ABLIM2: variants seen among roughly 807,000 people sequenced by gnomAD.
ABLIM2 encodes the protein actin binding LIM protein family member 2, also known as actin-binding LIM protein 2.
ABLIM2 carries 53 observed loss-of-function variants against 97.7 expected under a neutral mutation model. The ratio of observed to expected loss-of-function variants is 0.54; its 90% confidence interval spans 0.44 to 0.68. The LOEUF is 0.68. Ranked by LOEUF, ABLIM2 falls within the 30% of genes least tolerant of loss-of-function variation. The probability of loss-of-function intolerance (pLI) is 0.00; values close to 1 mark genes in which losing one functional copy is unlikely to be tolerated. For missense variants in ABLIM2, 835 were observed against 867.2 expected, an observed-to-expected ratio of 0.96 and a Z score of 0.47; for synonymous variants, 361 against 345.8, an observed-to-expected ratio of 1.04 and a Z score of -0.49.
Position 8,148,431 on chromosome 4 carries a change from C to T in ABLIM2, c.10+10249G>A, listed in dbSNP as rs140250240. Among the ~76,000 whole-genome samples the T allele has an allele frequency of 3.3e-5, 5 of 152,232 alleles. No individual in the cohort carries two copies. In the East Asian group the frequency reaches 9.7e-4, roughly 29 times the overall value. On this transcript the variant is annotated intron_variant, in intron 1 of 20. Transcript: ENST00000447017. The surrounding 1 kb of genome is among the most constrained non-coding windows in gnomAD (Gnocchi z 6.7). ...CGCTCAGGACGCGGGGGGGCCATGG[C>T]GCACCACAGTTAGGAGTGCGGGTTC...
chr4:8,056,386 C>G (rs1799185554), intron 7 of ABLIM2, among the ~76,000 whole-genome samples: 1 of 151,002 alleles, frequency 6.6e-6, no homozygotes, highest in African/African-American at 2.4e-5. Flanking sequence ...CTGCAGCCCC[C>G]ACCTCTTGGT....
rs1025484436 is a variant in ABLIM2 at position 8,069,180 on chromosome 4, C to T, written c.676-8126G>A. 2.0e-5 allele frequency among the ~76,000 whole-genome samples: 3 copies of T among 152,274 alleles called. No homozygotes were observed. The highest frequency in any genetic ancestry group is 1.9e-4 in the East Asian group (1 of 5,202). On this transcript the variant is annotated intron_variant, in intron 6 of 20. Transcript: ENST00000447017. The surrounding 1 kb of genome is among the most constrained non-coding windows in gnomAD (Gnocchi z 4.2). ...AGGCGTGAGCCTCAGGAGCGCTTGG[C>T]CCAGCGGCCTCATTCTCTGCTGTAC...
chr4:8,090,422 C>T (rs1010955578), intron 3 of ABLIM2, among the ~76,000 whole-genome samples: 1 of 152,244 alleles, frequency 6.6e-6, no homozygotes, highest in Admixed American at 6.5e-5. Flanking sequence ...GACATCCTGC[C>T]TAGGAAGCTC....
intron 1 of ABLIM2, among the ~76,000 whole-genome samples, chr4:8,146,574 G>A (rs910195299): frequency 6.6e-6 from 1 of 152,046 alleles, no homozygotes; most frequent in African/African-American, 2.4e-5. Flanking sequence ...GGGTCTCACC[G>A]TGCCACCCAG....
chr4:7,966,879 C>CCA lies in ABLIM2; in HGVS notation c.*110_*111insTG. The CCA allele has an allele frequency of 2.8e-6, 1 of 361,394 alleles. No homozygotes were observed. Among genetic ancestry groups the CCA allele is most frequent in the Non-Finnish European group, 5.3e-6 (1 of 187,626 alleles). The allele number at this position is 361,394 out of a possible 1,614,324, so 22.4% of individuals were successfully genotyped here. A position where few individuals can be genotyped will look rare whatever the true frequency, so the allele number is the denominator to read the frequency against. On this transcript the variant is annotated 3_prime_UTR_variant, in exon 21 of 21. Coordinates refer to ENST00000447017, the MANE Select transcript of ABLIM2 (RefSeq NM_001130083.2). ...CTGGGGGACCCCCTCCCGCCCACCCCATGGACACAGAGAAGCCAGAGCAAG... is the reference window on the plus strand; with the variant it reads ...CTGGGGGACCCCCTCCCGCCCACCCCCAATGGACACAGAGAAGCCAGAGCAAG...
At chr4:8,109,490 G>A (rs946954639) in intron 1 of ABLIM2, among the ~76,000 whole-genome samples, 1 of 152,240 alleles carries the variant, frequency 6.6e-6, no homozygotes, top group Non-Finnish European at 1.5e-5. Context: ...CTCAGACAGA[G>A]GAGGCCATTT....
At chr4:8,053,456 G>A (rs1298479818) in intron 8 of ABLIM2, among the ~76,000 whole-genome samples, 1 of 152,162 alleles carries the variant, frequency 6.6e-6, no homozygotes, top group Non-Finnish European at 1.5e-5. Context: ...CTTAATCTTG[G>A]CAAAATAAAC....
At chr4:7,972,436 G>T (rs1577562541) in intron 20 of ABLIM2, among the ~76,000 whole-genome samples, 1 of 152,346 alleles carries the variant, frequency 6.6e-6, no homozygotes, top group South Asian at 2.1e-4. Flanking sequence ...AGGCCCTGGG[G>T]CTATGCTGTG....
rs1755915771 is a variant in ABLIM2, at chr4:7,999,928, C to T, written c.1619-7001G>A. Among the ~76,000 whole-genome samples, 1 of 152,202 alleles carries T rather than the reference C, an allele frequency of 6.6e-6. No individual in the cohort carries two copies. Among genetic ancestry groups the T allele is most frequent in the African/African-American group, 2.4e-5 (1 of 41,450 alleles). The stretch of plus-strand genomic sequence containing the variant: ...TCTGTCCTCTTCCAGGCTGGCTCAT[C>T]AGAGGTCAAAGTCACCGCTGGACAT... On this transcript the variant is annotated intron_variant, in intron 16 of 20. Coordinates refer to ENST00000447017, the MANE Select transcript of ABLIM2 (RefSeq NM_001130083.2). The surrounding 1 kb of genome is among the most constrained non-coding windows in gnomAD (Gnocchi z 4.4).
rs184013061 is a variant in ABLIM2 at position 8,123,683 on chromosome 4, G to T, written c.11-17046C>A. Among the ~76,000 whole-genome samples, 1,066 of 152,312 alleles carry T rather than the reference G, an allele frequency of 7.0e-3. 8 individuals carry two copies. The highest frequency in any genetic ancestry group is 0.014 in the Middle Eastern group (4 of 294). On this transcript the variant is annotated intron_variant, in intron 1 of 20. Coordinates refer to ENST00000447017, the MANE Select transcript of ABLIM2 (RefSeq NM_001130083.2). The surrounding 1 kb of genome is among the most constrained non-coding windows in gnomAD (Gnocchi z 6.2). ...CCTGCCTTAAAGCGGGTCTCCTGGG[G>T]GCGTCATCCTTGTACTGACAGGGTC...
At chr4:7,995,365 G>A (rs367878778) in intron 16 of ABLIM2, among the ~76,000 whole-genome samples, 9 of 152,180 alleles carry the variant, frequency 5.9e-5, no homozygotes, top group East Asian at 3.9e-4. Flanking sequence ...AGCTGCCCAC[G>A]AGGCCTCCGA....
chr4:8,110,541 G>C (rs1360908882), intron 1 of ABLIM2, among the ~76,000 whole-genome samples: 1 of 151,632 alleles, frequency 6.6e-6, no homozygotes. Flanking sequence ...TGTTCCCATA[G>C]CAACCAACCC....
chr4:8,016,641 A>G (rs1769464291), intron 14 of ABLIM2, among the ~76,000 whole-genome samples: 1 of 152,160 alleles, frequency 6.6e-6, no homozygotes, highest in South Asian at 2.1e-4. Context: ...AGAGCCAGGA[A>G]AGCATGAGGC....
At chr4:8,104,106 C>T (rs567421483) in intron 2 of ABLIM2, among the ~76,000 whole-genome samples, 1 of 152,314 alleles carries the variant, frequency 6.6e-6, no homozygotes, top group South Asian at 2.1e-4. Context: ...CAGGCAATCG[C>T]TCCCTGGCGC....
Position 8,037,131 on chromosome 4 carries a change from T to C in ABLIM2, c.901-836A>G, listed in dbSNP as rs1784966599. On this transcript the variant is annotated intron_variant, in intron 9 of 20. Coordinates refer to ENST00000447017, the MANE Select transcript of ABLIM2 (RefSeq NM_001130083.2). Reference sequence around the variant, plus strand: ...TAAATAAAATAGTGTATTATTTTTATATTATTTTATTTGTATTATTTTTTA... The same window carrying C: ...TAAATAAAATAGTGTATTATTTTTACATTATTTTATTTGTATTATTTTTTA... 2.0e-5 allele frequency among the ~76,000 whole-genome samples: 3 copies of C among 152,208 alleles called. 1 individual carries two copies. Among genetic ancestry groups the C allele is most frequent in the Admixed American group, 1.3e-4 (2 of 15,278 alleles).
At chr4:8,017,987 G>A (rs1268441473) in intron 14 of ABLIM2, among the ~76,000 whole-genome samples, 5 of 144,344 alleles carry the variant, frequency 3.5e-5, no homozygotes, top group South Asian at 2.2e-4. Context: ...GCGAGACTCC[G>A]TCTCAAAAAA....
At position 7,999,998 on chromosome 4, in the gene ABLIM2, C is replaced by A. The variant is rs1458665765; in HGVS notation, c.1619-7071G>T. 1.3e-5 allele frequency among the ~76,000 whole-genome samples: 2 copies of A among 152,218 alleles called. No homozygotes were observed. Among genetic ancestry groups the A allele is most frequent in the African/African-American group, 4.8e-5 (2 of 41,456 alleles). Reference sequence around the variant, plus strand: ...GGGCAGAGGACTGTGGCTCACACAGCATCCGGGTCTGCTTTGTGGACACCT... The same window carrying A: ...GGGCAGAGGACTGTGGCTCACACAGAATCCGGGTCTGCTTTGTGGACACCT... On this transcript the variant is annotated intron_variant, in intron 16 of 20. Coordinates refer to ENST00000447017, the MANE Select transcript of ABLIM2 (RefSeq NM_001130083.2). This position sits in a 1 kb window ranked among gnomAD's most constrained non-coding sequence, Gnocchi z 4.4.
chr4:8,066,399 A>AAGGAAGGAAGGAAGGAAGGAAGGAAGGG, intron 6 of ABLIM2: 1 of 137,286 alleles, frequency 7.3e-6, no homozygotes, highest in Admixed American at 7.3e-5. Context: ...GGAAGGAAGG[A>AAGGAAGGAAGGAAGGAAGGAAGGAAGGG]AGGAAGGAAG....
chr4:8,036,205 T>A lies in ABLIM2; in HGVS notation c.991A>T (p.Ile331Phe), dbSNP rs759584702. 1.2e-6 allele frequency: 2 copies of A among 1,613,804 alleles called. No homozygotes were observed. The highest frequency in any genetic ancestry group is 2.2e-5 in the East Asian group (1 of 44,868). Residue 331 changes from isoleucine (I) to phenylalanine (F), a missense_variant, in exon 10 of 21, where the codon ATC (isoleucine) becomes TTC (phenylalanine). Coordinates refer to ENST00000447017, the MANE Select transcript of ABLIM2 (RefSeq NM_001130083.2). Reference sequence around the variant, plus strand: ...TGGCTGATGTAGGGTGAGTAGGAGATCATGTCGGGGCGGTCGATGTCATAG... The same window carrying A: ...TGGCTGATGTAGGGTGAGTAGGAGAACATGTCGGGGCGGTCGATGTCATAG... ...AIYDIDRPDM[I>F]SYSPYISHSA...
Sources: gnomAD v4.1 joint callset for allele counts (sites outside exome capture counted in the v4.1 genomes callset) on GRCh38, gnomAD v4.1.1 for gene constraint, Gnocchi (gnomAD v3.1) non-coding constraint, MANE v1.5 for transcripts, NCBI Gene and HGNC (gene_info 2026-07-23, HGNC 2026-07-21) for gene names.